Variants in TMEM51 observed in about 807,000 individuals in gnomAD.
TMEM51 encodes chromosome 1 open reading frame 72.
A neutral mutation model predicts 13.6 loss-of-function variants in TMEM51; 8 were observed. That is an observed-to-expected ratio of 0.59 (90% CI 0.35 to 1.07). TMEM51 has a LOEUF of 1.07. Ranked by LOEUF, TMEM51 falls within the 50% of genes least tolerant of loss-of-function variation. The pLI is 0.02. For synonymous variants in TMEM51, 147 were observed against 144.4 expected, an observed-to-expected ratio of 1.02 and a Z score of -0.13; for missense variants, 279 against 330.7, an observed-to-expected ratio of 0.84 and a Z score of 1.21.
chr1:15,162,631 T>A (rs1051209990), intron 1 of TMEM51, among the ~76,000 whole-genome samples: 3 of 152,088 alleles, frequency 2.0e-5, no homozygotes, highest in Admixed American at 1.3e-4. Flanking sequence ...CATCAAAGGA[T>A]GAATGAATAA....
At chr1:15,204,551 T>C (rs766943292) in intron 1 of TMEM51, among the ~76,000 whole-genome samples, 1 of 152,124 alleles carries the variant, frequency 6.6e-6, no homozygotes, top group Non-Finnish European at 1.5e-5. Flanking sequence ...CGAGACCTCA[T>C]TGATGGGAAC....
rs777441847 is a variant in TMEM51 at position 15,215,139 on chromosome 1, G to A, written c.52G>A (p.Gly18Ser). 9 of 1,614,004 alleles carry A rather than the reference G, an allele frequency of 5.6e-6. No homozygotes were observed. The highest frequency in any genetic ancestry group is 2.2e-5 in the East Asian group (1 of 44,904). ...NGSHYALTAI[G>S]LGMLVLGVIM... ...CTCGCACTATGCGCTGACCGCCATC[G>A]GCCTGGGGATGCTGGTCCTTGGGGT... The change falls in exon 3 of 4, where the codon GGC (glycine) becomes AGC (serine). Residue 18 changes from glycine (G) to serine (S), a missense_variant. By Grantham distance (56) the Gly-to-Ser change is moderately conservative (BLOSUM62 0). Transcript: ENST00000376008.
upstream of TMEM51, among the ~76,000 whole-genome samples, chr1:15,153,232 AG>A (rs1226524236): frequency 3.1e-4 from 3 of 9,702 alleles, no homozygotes; most frequent in Non-Finnish European, 6.5e-4. Context: ...CCCAGGAAGG[AG>A]GAGAGGTGAG....
chr1:15,162,023 T>C (rs1642797623), intron 1 of TMEM51, among the ~76,000 whole-genome samples: 1 of 149,740 alleles, frequency 6.7e-6, no homozygotes, highest in Admixed American at 6.7e-5. Flanking sequence ...ACAGCAGGCG[T>C]CATGTGGTGA....
intron 2 of TMEM51, among the ~76,000 whole-genome samples, chr1:15,213,517 T>C (rs1644374351): frequency 6.6e-6 from 1 of 152,064 alleles, no homozygotes; most frequent in South Asian, 2.1e-4. Context: ...GGGGGAGAGG[T>C]TTAGCAAGGG....
Position 15,185,337 on chromosome 1 carries a change from C to T in TMEM51, c.-266-25153C>T, listed in dbSNP as rs375672477. ...TCTCCAAAGAACTTTCCAAAAATTG[C>T]TATCCTTGTGACCTAGGCAGCCTTC... On this transcript the variant is annotated intron_variant, in intron 1 of 3. Coordinates refer to ENST00000376008, the MANE Select transcript of TMEM51 (RefSeq NM_001136218.2). Among the ~76,000 whole-genome samples the T allele has an allele frequency of 3.3e-5, 5 of 152,296 alleles. No individual in the cohort carries two copies. In the South Asian group the frequency reaches 1.0e-3, roughly 32 times the overall value.
At chr1:15,165,749 C>T (rs779510553) in intron 1 of TMEM51, among the ~76,000 whole-genome samples, 29 of 152,118 alleles carry the variant, frequency 1.9e-4, no homozygotes, top group Admixed American at 8.5e-4. Flanking sequence ...TAAATTGCAG[C>T]TCTTTCATAT....
chr1:15,215,183 C>T lies in TMEM51; in HGVS notation c.96C>T (p.Asn32=). The T allele has an allele frequency of 6.2e-7, 1 of 1,614,224 alleles. No individual in the cohort carries two copies. The stretch of plus-strand genomic sequence containing the variant: ...TTGGGGTGATCATGGCCATGTGGAA[C>T]CTGGTACCCGGCTTCAGCGCGGCCG... ...LVLGVIMAMW[N]LVPGFSAAEK... The change falls in exon 3 of 4, where the codon AAC becomes AAT. Residue 32 remains asparagine, a synonymous_variant. Coordinates refer to ENST00000376008, the MANE Select transcript of TMEM51 (RefSeq NM_001136218.2).
chr1:15,181,945 G>A (rs567168565), intron 1 of TMEM51, among the ~76,000 whole-genome samples: 2 of 152,226 alleles, frequency 1.3e-5, no homozygotes, highest in Non-Finnish European at 2.9e-5. Context: ...TGGATTATCT[G>A]AGGCCAGGAG....
At chr1:15,198,016 A>G (rs895662348) in intron 1 of TMEM51, among the ~76,000 whole-genome samples, 1 of 151,774 alleles carries the variant, frequency 6.6e-6, no homozygotes, top group South Asian at 2.1e-4. Context: ...TTATGTAAAC[A>G]GAGTCCAGAG....
chr1:15,219,203 C>A, intron 3 of TMEM51, 123 bp from the exon 4 acceptor site: 1 of 1,032,482 alleles, frequency 9.7e-7, no homozygotes, highest in Non-Finnish European at 1.4e-6. Flanking sequence ...CTTTTATTGC[C>A]TCTAAGACCC....
intron 1 of TMEM51, among the ~76,000 whole-genome samples, chr1:15,167,751 T>G (rs1234720955): frequency 6.6e-6 from 1 of 152,238 alleles, no homozygotes; most frequent in Non-Finnish European, 1.5e-5. Context: ...CTGTCTTTTC[T>G]GGAGTGATGC....
intron 1 of TMEM51, among the ~76,000 whole-genome samples, chr1:15,193,885 T>A (rs1038156444): frequency 2.0e-5 from 3 of 152,120 alleles, no homozygotes; most frequent in African/African-American, 7.2e-5. Context: ...GGTGAGGAGG[T>A]GAAGGGCATT....
Position 15,219,877 on chromosome 1 carries a change from G to T in TMEM51, c.*134G>T, listed in dbSNP as rs3820062. On this transcript the variant is annotated 3_prime_UTR_variant, in exon 4 of 4. Coordinates refer to ENST00000376008, the MANE Select transcript of TMEM51 (RefSeq NM_001136218.2). ...TGGAGCCATTTGGATGGCGGCGGGC[G>T]GGGGGGGATTCTCTGTATCAGGAGT... is the stretch of plus-strand genomic sequence containing the variant. The T allele has an allele frequency of 4.5e-5, 41 of 919,610 alleles. No homozygotes were observed. The African/African-American group carries it at 6.4e-4, about 14-fold the overall frequency. The allele number at this position is 919,610 out of a possible 1,614,324, so 57.0% of individuals were successfully genotyped here.
At position 15,215,334 on chromosome 1, in the gene TMEM51, CTGAG is replaced by C. The variant is rs1644412796; in HGVS notation, c.249_252del (p.Ile85GlyfsTer52). On this transcript the variant is annotated frameshift_variant, in exon 3 of 4. Coordinates refer to ENST00000376008, the MANE Select transcript of TMEM51 (RefSeq NM_001136218.2). LOFTEE classifies it high-confidence loss of function. ...GATGCTGCTGCTGCTTTCTATCTGC[CTGAG>C]TATCAGGGATAAGAGGAAGCAGCGG... 6.2e-7 allele frequency: 1 copy of C among 1,614,006 alleles called. No homozygotes were observed. Among genetic ancestry groups the C allele is most frequent in the Non-Finnish European group, 8.5e-7 (1 of 1,180,048 alleles).
intron 1 of TMEM51, among the ~76,000 whole-genome samples, chr1:15,174,332 T>C (rs552328667): frequency 6.6e-6 from 1 of 152,252 alleles, no homozygotes; most frequent in South Asian, 2.1e-4. Flanking sequence ...AGCCTCCACC[T>C]CCTGGACTCA....
chr1:15,186,856 C>T (rs1193485756), intron 1 of TMEM51, among the ~76,000 whole-genome samples: 1 of 152,012 alleles, frequency 6.6e-6, no homozygotes, highest in Non-Finnish European at 1.5e-5. Flanking sequence ...CAGTCTGTAT[C>T]CAGGTGAGGT....
At position 15,219,670 on chromosome 1, in the gene TMEM51, T is replaced by G. The variant is rs747765838; in HGVS notation, c.689T>G (p.Ile230Arg). The change falls in exon 4 of 4, where the codon ATA (isoleucine) becomes AGA (arginine). Residue 230 changes from isoleucine to arginine, a missense_variant. Transcript: ENST00000376008. ...LPDKNVPPPS[I>R]EPLTPPPQYD... is the part of the protein sequence containing the mutation. ...GACAAAAACGTCCCTCCTCCCTCGA[T>G]AGAGCCTTTGACTCCTCCACCGCAG... The G allele has an allele frequency of 6.2e-7, 1 of 1,613,924 alleles. No homozygotes were observed. Among genetic ancestry groups the G allele is most frequent in the East Asian group, 2.2e-5 (1 of 44,878 alleles).
chr1:15,206,113 T>G (rs950408646), intron 1 of TMEM51, among the ~76,000 whole-genome samples: 1 of 151,644 alleles, frequency 6.6e-6, no homozygotes, highest in Non-Finnish European at 1.5e-5. Flanking sequence ...GGTGTGTGCC[T>G]GTAGTCCCAG....
Sources: gnomAD v4.1 joint callset for allele counts (sites outside exome capture counted in the v4.1 genomes callset) on GRCh38, gnomAD v4.1.1 for gene constraint, MANE v1.5 for transcripts, NCBI Gene and HGNC (gene_info 2026-07-23, HGNC 2026-07-21) for gene names.